MDFIC: variants seen among roughly 807,000 people sequenced by gnomAD.
The protein encoded by MDFIC is MyoD family inhibitor domain containing, also known as myoD family inhibitor domain-containing protein.
Under a neutral mutation model 23.2 loss-of-function variants are expected in MDFIC, and 17 were observed. That is an observed-to-expected ratio of 0.73 (90% confidence interval 0.50 to 1.10). The LOEUF is 1.10. Among genes scored for constraint, MDFIC ranks in the 50% least tolerant of loss-of-function variants. MDFIC has a pLI of 0.00. For missense variants in MDFIC, 356 were observed against 316.6 expected (o/e 1.12, Z -0.95); for synonymous variants, 120 against 115.2 (o/e 1.04, Z -0.27).
chr7:115,019,148 A>C lies in MDFIC; in HGVS notation c.*3213A>C, dbSNP rs952051047. 2 of 152,054 alleles carry C rather than the reference A, an allele frequency of 1.3e-5. No homozygotes were observed. The highest frequency in any genetic ancestry group is 3.8e-4 in the East Asian group (2 of 5,202). 9.4% of individuals were successfully genotyped at this position (152,054 alleles called of 1,614,324 possible). On this transcript the variant is annotated 3_prime_UTR_variant, in exon 5 of 5. Transcript: ENST00000393486. Reference sequence around the variant, plus strand: ...AGGTAAAAATGATCAAACATATATGAAATTGAGTCTTAGATTTAATGAATT... The same window carrying C: ...AGGTAAAAATGATCAAACATATATGCAATTGAGTCTTAGATTTAATGAATT...
intron 3 of MDFIC, among the ~76,000 whole-genome samples, chr7:114,955,234 T>C (rs10262038): frequency 0.47 from 71,668 of 152,084 alleles, 17,299 homozygotes; most frequent in Non-Finnish European, 0.53. Flanking sequence ...ATTTGGATGA[T>C]TGATTTTAAA....
At chr7:114,928,863 A>G (rs762453431) in intron 2 of MDFIC, among the ~76,000 whole-genome samples, 8 of 152,208 alleles carry the variant, frequency 5.3e-5, no homozygotes, top group Admixed American at 2.6e-4. Flanking sequence ...CAGCACCAGT[A>G]GGAGTAAAAT....
intron 4 of MDFIC, among the ~76,000 whole-genome samples, chr7:115,011,141 G>A (rs1791673442): frequency 6.6e-6 from 1 of 152,144 alleles, no homozygotes; most frequent in African/African-American, 2.4e-5. Flanking sequence ...CATGGTCTCA[G>A]GAGGTTAACT....
chr7:114,950,260 A>T (rs1792738684), intron 3 of MDFIC, among the ~76,000 whole-genome samples: 1 of 152,154 alleles, frequency 6.6e-6, no homozygotes, highest in Admixed American at 6.5e-5. Context: ...GTAGGATTAC[A>T]AGGAGGAGAT....
At chr7:114,995,480 C>G (rs1791303759) in intron 4 of MDFIC, among the ~76,000 whole-genome samples, 1 of 152,160 alleles carries the variant, frequency 6.6e-6, no homozygotes, top group South Asian at 2.1e-4. Context: ...GTGGTTTTAT[C>G]TACCTTTGGT....
rs761390436 is a variant in MDFIC at position 114,922,480 on chromosome 7, C to G, written c.-264C>G. 43 of 1,252,928 alleles carry G rather than the reference C, an allele frequency of 3.4e-5. No homozygotes were observed. The East Asian group carries it at 1.3e-3, about 38-fold the overall frequency. 77.6% of individuals were successfully genotyped at this position (1,252,928 alleles called of 1,614,324 possible). ...CGCCACTGCGGCGTCTGGGCTGAGC[C>G]GGAGGGAGGCGGGAGGACGCGCAGG... On this transcript the variant is annotated 5_prime_UTR_variant, in exon 1 of 5. Transcript: ENST00000393486.
intron 4 of MDFIC, among the ~76,000 whole-genome samples, chr7:114,994,615 A>G (rs1221251303): frequency 1.3e-5 from 2 of 152,280 alleles, no homozygotes; most frequent in South Asian, 4.1e-4. Context: ...ATGAAGCTTA[A>G]TTTGGCTGTA....
In MDFIC at chr7:114,985,015, A is replaced by G. The variant is rs367928684; in HGVS notation, c.493+5234A>G. Among the ~76,000 whole-genome samples the G allele has an allele frequency of 5.3e-5, 8 of 152,286 alleles. 2 individuals are homozygous for G. In the South Asian group the frequency reaches 1.4e-3, roughly 28 times the overall value. Reference sequence around the variant, plus strand: ...GCGTTATGTAGATGGAAGTAACTACAATCATCTCATTTTTATTTTTAATCA... The same window carrying G: ...GCGTTATGTAGATGGAAGTAACTACGATCATCTCATTTTTATTTTTAATCA... On this transcript the variant is annotated intron_variant, in intron 4 of 4. Coordinates refer to ENST00000393486, the MANE Select transcript of MDFIC (RefSeq NM_001166345.3).
intron 4 of MDFIC, among the ~76,000 whole-genome samples, chr7:115,008,028 CT>C (rs1197242330): frequency 6.6e-6 from 1 of 151,870 alleles, no homozygotes; most frequent in Non-Finnish European, 1.5e-5. Flanking sequence ...AAATGCATCT[CT>C]TTAGAAGGGA....
Position 114,922,545 on chromosome 7 carries a change from C to T in MDFIC, c.-199C>T. On this transcript the variant is annotated 5_prime_UTR_variant, in exon 1 of 5. Transcript: ENST00000393486. ...TCGTCAGGCCACCGGGGCGAAAATG[C>T]GGCCGCTGCCGGAGGCTCGCTAACT... 7.9e-7 allele frequency: 1 copy of T among 1,265,632 alleles called. No individual in the cohort carries two copies. Among genetic ancestry groups the T allele is most frequent in the Non-Finnish European group, 1.0e-6 (1 of 999,154 alleles). 78.4% of individuals were successfully genotyped at this position (1,265,632 alleles called of 1,614,324 possible).
chr7:114,948,698 G>T (rs1297827642), intron 3 of MDFIC, among the ~76,000 whole-genome samples: 2 of 151,532 alleles, frequency 1.3e-5, no homozygotes, highest in Non-Finnish European at 2.9e-5. Flanking sequence ...TGCATATATA[G>T]ATATTGTTCA....
chr7:114,954,378 A>G (rs1405423555), intron 3 of MDFIC, among the ~76,000 whole-genome samples: 1 of 152,246 alleles, frequency 6.6e-6, no homozygotes, highest in Non-Finnish European at 1.5e-5. Context: ...CCTAAATTCC[A>G]TAATCTTATG....
At chr7:114,935,465 G>A (rs1373882163) in intron 2 of MDFIC, among the ~76,000 whole-genome samples, 4 of 151,122 alleles carry the variant, frequency 2.6e-5, no homozygotes, top group Non-Finnish European at 5.9e-5. Context: ...AACATAATTT[G>A]TATTAGTCTT....
intron 3 of MDFIC, among the ~76,000 whole-genome samples, chr7:114,947,315 T>C (rs912100212): frequency 6.6e-6 from 1 of 152,194 alleles, no homozygotes; most frequent in African/African-American, 2.4e-5. Context: ...CCTCCTCCAT[T>C]TGGCTCTCAG....
chr7:114,967,969 C>T (rs536413622), intron 3 of MDFIC, among the ~76,000 whole-genome samples: 2 of 152,118 alleles, frequency 1.3e-5, no homozygotes, highest in South Asian at 2.1e-4. Flanking sequence ...GCTGATACCA[C>T]AGGCACATGC....
At chr7:114,997,408 A>G (rs1562825491) in intron 4 of MDFIC, among the ~76,000 whole-genome samples, 2 of 149,404 alleles carry the variant, frequency 1.3e-5, no homozygotes, top group Non-Finnish European at 3.0e-5. Flanking sequence ...GCATGCGTGC[A>G]TGTGTGTGTG....
intron 3 of MDFIC, among the ~76,000 whole-genome samples, chr7:114,974,843 T>C (rs1331728639): frequency 6.6e-6 from 1 of 152,056 alleles, no homozygotes; most frequent in East Asian, 1.9e-4. Flanking sequence ...ACCTAGAAAG[T>C]GCAGTATTTC....
chr7:114,975,896 C>T (rs1270137749), intron 3 of MDFIC, among the ~76,000 whole-genome samples: 1 of 152,060 alleles, frequency 6.6e-6, no homozygotes, highest in African/African-American at 2.4e-5. Flanking sequence ...AGGGATAATA[C>T]TTGGTTATCT....
intron 2 of MDFIC, among the ~76,000 whole-genome samples, chr7:114,935,280 A>G (rs982838601): frequency 3.3e-5 from 5 of 152,116 alleles, no homozygotes; most frequent in African/African-American, 1.2e-4. Context: ...CATAATATGC[A>G]GATTATAAAT....
Sources: gnomAD v4.1 joint callset for allele counts (sites outside exome capture counted in the v4.1 genomes callset) on GRCh38, gnomAD v4.1.1 for gene constraint, MANE v1.5 for transcripts, NCBI Gene and HGNC (gene_info 2026-07-23, HGNC 2026-07-21) for gene names.